The following ITGA8 variants were observed in gnomAD, a reference collection of about 807,000 sequenced individuals.
ITGA8 encodes integrin subunit alpha 8.
A neutral mutation model predicts 142.3 loss-of-function variants in ITGA8; 91 were observed. The ratio of observed to expected loss-of-function variants is 0.64; its 90% CI spans 0.54 to 0.76. ITGA8 has a LOEUF of 0.76. Among genes scored for constraint, ITGA8 ranks in the 30% least tolerant of loss-of-function variants. The probability of loss-of-function intolerance (pLI) is 0.00; values close to 1 mark genes in which losing one functional copy is unlikely to be tolerated. For synonymous variants in ITGA8, 505 were observed against 485.2 expected, an observed-to-expected ratio of 1.04 and a Z score of -0.54; for missense variants, 1,406 against 1,327.7, an observed-to-expected ratio of 1.06 and a Z score of -0.92.
intron 27 of ITGA8, among the ~76,000 whole-genome samples, chr10:15,535,788 G>GGGGTCC: frequency 6.6e-6 from 1 of 152,096 alleles, no homozygotes. Context: ...GCAACCTGCT[G>GGGGTCC]GGGTCCCCTT....
intron 4 of ITGA8, among the ~76,000 whole-genome samples, chr10:15,679,547 A>C (rs1035645093): frequency 2.0e-5 from 3 of 152,158 alleles, no homozygotes; most frequent in African/African-American, 7.2e-5. Flanking sequence ...ATGCCACTGC[A>C]CTCCAGCCTG....
chr10:15,524,124 T>C (rs1205907684), intron 28 of ITGA8, among the ~76,000 whole-genome samples: 1 of 152,210 alleles, frequency 6.6e-6, no homozygotes, highest in Admixed American at 6.5e-5. Flanking sequence ...CTGGTCCTTT[T>C]ACCTGTAGGA....
intron 13 of ITGA8, among the ~76,000 whole-genome samples, chr10:15,622,668 G>A (rs1373050072): frequency 3.3e-5 from 5 of 152,020 alleles, no homozygotes; most frequent in Admixed American, 3.3e-4. Context: ...TGTTTATAAT[G>A]TATATGCCTG....
intron 13 of ITGA8, among the ~76,000 whole-genome samples, chr10:15,628,290 T>C (rs951579707): frequency 2.6e-5 from 4 of 151,138 alleles, no homozygotes; most frequent in African/African-American, 9.8e-5. Flanking sequence ...ATAAACTTCC[T>C]TTCACTTTAT....
At chr10:15,697,881 G>GA in intron 2 of ITGA8, among the ~76,000 whole-genome samples, 1 of 152,242 alleles carries the variant, frequency 6.6e-6, no homozygotes, top group Non-Finnish European at 1.5e-5. Flanking sequence ...GTGAAGTAAA[G>GA]AAAAATGGTA....
At chr10:15,707,030 T>G (rs1239514665) in intron 2 of ITGA8, among the ~76,000 whole-genome samples, 2 of 152,202 alleles carry the variant, frequency 1.3e-5, no homozygotes, top group African/African-American at 4.8e-5. Context: ...GGATACCACC[T>G]GGCTCCTTTC....
intron 20 of ITGA8, among the ~76,000 whole-genome samples, chr10:15,597,636 T>C (rs1236341535): frequency 6.6e-6 from 1 of 152,174 alleles, no homozygotes; most frequent in Non-Finnish European, 1.5e-5. Flanking sequence ...TTATTAAACA[T>C]GAGTAAATAA....
chr10:15,518,733 A>C (rs2131529537), intron 29 of ITGA8, among the ~76,000 whole-genome samples: 1 of 152,304 alleles, frequency 6.6e-6, no homozygotes, highest in South Asian at 2.1e-4. Flanking sequence ...TCAAAGACTA[A>C]GTTCAGGCTT....
At chr10:15,628,425 T>C (rs980757873) in intron 13 of ITGA8, among the ~76,000 whole-genome samples, 1 of 144,068 alleles carries the variant, frequency 6.9e-6, no homozygotes, top group East Asian at 2.2e-4. Flanking sequence ...CTCCGCCTCC[T>C]GGGTTCACGC....
At chr10:15,546,973 C>T (rs763126044) in intron 27 of ITGA8, among the ~76,000 whole-genome samples, 6 of 151,748 alleles carry the variant, frequency 4.0e-5, no homozygotes, top group African/African-American at 7.3e-5. Context: ...ATAAGATTGA[C>T]GAGACTGTAG....
intron 24 of ITGA8, among the ~76,000 whole-genome samples, chr10:15,572,679 G>C (rs1834207493): frequency 6.6e-6 from 1 of 152,150 alleles, no homozygotes; most frequent in African/African-American, 2.4e-5. Flanking sequence ...TTTAATCATA[G>C]CGCTAGAAAT....
intron 27 of ITGA8, among the ~76,000 whole-genome samples, chr10:15,538,255 G>C (rs541844493): frequency 6.6e-6 from 1 of 152,334 alleles, no homozygotes; most frequent in South Asian, 2.1e-4. Flanking sequence ...GCTCATGCCT[G>C]TAATCCTAAC....
chr10:15,529,794 A>G (rs1050491793), intron 28 of ITGA8, among the ~76,000 whole-genome samples: 6 of 152,224 alleles, frequency 3.9e-5, no homozygotes, highest in African/African-American at 1.2e-4. Context: ...TTATCAACTT[A>G]TCTACCATCC....
At position 15,519,165 on chromosome 10, in the gene ITGA8, C is replaced by T. The variant is rs1833012162; in HGVS notation, c.3105+125G>A. On this transcript the variant is annotated intron_variant, in intron 29 of 29. Transcript: ENST00000378076. ...CAAGACACGATTTTCCCTTTATATC[C>T]TTCAGACTGTTCAAAATTTCCAAAA... The T allele has an allele frequency of 5.6e-6, 6 of 1,065,414 alleles. No homozygotes were observed. The Admixed American group carries it at 8.9e-5, about 16-fold the overall frequency. 66.0% of individuals were successfully genotyped at this position (1,065,414 alleles called of 1,614,324 possible).
Position 15,699,685 on chromosome 10 carries a change from C to T in ITGA8, c.344-11647G>A, listed in dbSNP as rs925442334. Among the ~76,000 whole-genome samples the T allele has an allele frequency of 1.2e-4, 19 of 152,150 alleles. No homozygotes were observed. The East Asian group carries it at 3.1e-3, about 25-fold the overall frequency. On this transcript the variant is annotated intron_variant, in intron 2 of 29. Coordinates refer to ENST00000378076, the MANE Select transcript of ITGA8 (RefSeq NM_003638.3). ...ATGTACAAGGGTTTCTCTCCAGCACCCAAACTAGGAATGACATTGCTGGGT... is the reference window on the plus strand; with the variant it reads ...ATGTACAAGGGTTTCTCTCCAGCACTCAAACTAGGAATGACATTGCTGGGT...
chr10:15,635,152 A>T (rs1274882830), intron 13 of ITGA8, among the ~76,000 whole-genome samples: 1 of 151,666 alleles, frequency 6.6e-6, no homozygotes, highest in Non-Finnish European at 1.5e-5. Context: ...GACTACAGGC[A>T]CGTGCTACCA....
rs1564357415 is a variant in ITGA8 at position 15,572,354 on chromosome 10, GTCCAA to G, written c.2489_2493del (p.Ile830ThrfsTer6). 6.2e-7 allele frequency: 1 copy of G among 1,613,844 alleles called. No homozygotes were observed. The highest frequency in any genetic ancestry group is 8.5e-7 in the Non-Finnish European group (1 of 1,179,910). On this transcript the variant is annotated frameshift_variant, in exon 25 of 30. Coordinates refer to ENST00000378076, the MANE Select transcript of ITGA8 (RefSeq NM_003638.3). LOFTEE classifies it high-confidence loss of function. ...AGGATGGTGTCACTGATGGTACTTG[GTCCAA>G]TATTGTGCAGCTGTAAACAAGTGAC...
At chr10:15,647,156 T>G in intron 11 of ITGA8, 105 bp from the exon 12 acceptor site, 4 of 805,184 alleles carry the variant, frequency 5.0e-6, no homozygotes, top group Non-Finnish European at 8.2e-6. Flanking sequence ...TATTTTTCCT[T>G]TTCTGAGGGT....
intron 26 of ITGA8, among the ~76,000 whole-genome samples, chr10:15,555,217 G>T (rs572610849): frequency 6.6e-6 from 1 of 152,250 alleles, no homozygotes; most frequent in African/African-American, 2.4e-5. Flanking sequence ...TCTTTTAAAC[G>T]GCTTGCAATA....
Sources: gnomAD v4.1 joint callset for allele counts (sites outside exome capture counted in the v4.1 genomes callset) on GRCh38, gnomAD v4.1.1 for gene constraint, MANE v1.5 for transcripts, NCBI Gene and HGNC (gene_info 2026-07-23, HGNC 2026-07-21) for gene names.